ANKMY1: variants seen among roughly 807,000 people sequenced by gnomAD.
ANKMY1 encodes ankyrin repeat and MYND domain containing 1.
In ANKMY1, 98 loss-of-function variants were observed where a neutral mutation model predicts 102.0. The ratio of observed to expected loss-of-function variants is 0.96; its 90% confidence interval spans 0.82 to 1.14. ANKMY1 has a LOEUF of 1.14. Among genes scored for constraint, ANKMY1 ranks in the 50% most tolerant of loss-of-function variants. The pLI, the probability that ANKMY1 is intolerant of heterozygous loss-of-function variation, is 0.00. For missense variants in ANKMY1, 1,330 were observed against 1,347.6 expected, an observed-to-expected ratio of 0.99 and a Z score of 0.20; for synonymous variants, 582 against 559.9, an observed-to-expected ratio of 1.04 and a Z score of -0.56.
Position 240,520,192 on chromosome 2 carries a change from A to T in ANKMY1, c.2004+170T>A. 1.0e-6 allele frequency: 1 copy of T among 965,108 alleles called. No homozygotes were observed. Among genetic ancestry groups the T allele is most frequent in the East Asian group, 2.6e-5 (1 of 38,034 alleles). The allele number at this position is 965,108 out of a possible 1,614,324, so 59.8% of individuals were successfully genotyped here. A position where few individuals can be genotyped will look rare whatever the true frequency, so the allele number is the denominator to read the frequency against. On this transcript the variant is annotated intron_variant, in intron 9 of 17. Transcript: ENST00000401804. This position sits in a 1 kb window ranked among gnomAD's most constrained non-coding sequence, Gnocchi z 4.8. ...TCCTGTCTGGGGACATGGGTGAAAG[A>T]GCGGGCTGTGGGACCCCCCACTGCG...
At chr2:240,485,955 TAA>T (rs898402204) in intron 15 of ANKMY1, among the ~76,000 whole-genome samples, 7 of 152,236 alleles carry the variant, frequency 4.6e-5, no homozygotes, top group African/African-American at 1.7e-4. Context: ...AGTGAGATAT[TAA>T]AAAGTTATTC....
At chr2:240,546,015 C>A (rs1429973144) in intron 4 of ANKMY1, among the ~76,000 whole-genome samples, 26 of 151,988 alleles carry the variant, frequency 1.7e-4, no homozygotes, top group African/African-American at 6.3e-4. Context: ...GAGAACGCCA[C>A]AAAGATACTC....
Position 240,552,906 on chromosome 2 carries a change from C to T in ANKMY1, c.480+8G>A. The T allele has an allele frequency of 6.2e-7, 1 of 1,613,728 alleles. No homozygotes were observed. Among genetic ancestry groups the T allele is most frequent in the East Asian group, 2.2e-5 (1 of 44,858 alleles). ...CGACCCCAGCTGAACACATGGCAGCCCCCTCACCTGGAAAAGCCGTGTCTT... is the reference window on the plus strand; with the variant it reads ...CGACCCCAGCTGAACACATGGCAGCTCCCTCACCTGGAAAAGCCGTGTCTT... On this transcript the variant is annotated splice_region_variant and intron_variant, in intron 4 of 17. Transcript: ENST00000401804.
At chr2:240,555,140 C>G in intron 2 of ANKMY1, 85 bp from the exon 3 acceptor site, 1 of 1,413,558 alleles carries the variant, frequency 7.1e-7, no homozygotes, top group Non-Finnish European at 9.8e-7. Flanking sequence ...CGAGCACAAC[C>G]CAGCATCTCA....
At chr2:240,517,851 A>C (rs763298037) in intron 9 of ANKMY1, among the ~76,000 whole-genome samples, 2 of 152,160 alleles carry the variant, frequency 1.3e-5, no homozygotes, top group Non-Finnish European at 2.9e-5. Context: ...TTGTGTGGGT[A>C]ATCAGGCCAC....
Position 240,526,212 on chromosome 2 carries a change from G to A in ANKMY1, c.1170+17C>T, listed in dbSNP as rs769626171. 7 of 1,613,786 alleles carry A rather than the reference G, an allele frequency of 4.3e-6. No individual in the cohort carries two copies. In the South Asian group the frequency reaches 6.6e-5, roughly 15 times the overall value. ...CTAAGCTCCTGCGGGCACCAGCTGG[G>A]AGGGTGTGGGGCTTACAGCAGCCGC... On this transcript the variant is annotated intron_variant, in intron 6 of 17. Transcript: ENST00000401804.
At position 240,538,477 on chromosome 2, in the gene ANKMY1, G is replaced by A. The variant is rs368611974; in HGVS notation, c.481-8968C>T. Among the ~76,000 whole-genome samples the A allele has an allele frequency of 1.2e-4, 18 of 152,272 alleles. No homozygotes were observed. In the East Asian group the frequency reaches 2.1e-3, roughly 18 times the overall value. On this transcript the variant is annotated intron_variant, in intron 4 of 17. Coordinates refer to ENST00000401804, the MANE Select transcript of ANKMY1 (RefSeq NM_001282771.3). ...CCCTCAGCACTGCCAGCCCGCCAGC[G>A]CTGCACTCAAATTCTCGTGGGGACT...
At position 240,506,403 on chromosome 2, in the gene ANKMY1, C is replaced by A. The variant is rs1056652207; in HGVS notation, c.2526+1157G>T. On this transcript the variant is annotated intron_variant, in intron 13 of 17. Coordinates refer to ENST00000401804, the MANE Select transcript of ANKMY1 (RefSeq NM_001282771.3). This position sits in a 1 kb window ranked among gnomAD's most constrained non-coding sequence, Gnocchi z 4.9. Reference sequence around the variant, plus strand: ...GACTACCCACACACACTGTTTCATTCCATCCTCTGCCGCCTATGGAAAACT... The same window carrying A: ...GACTACCCACACACACTGTTTCATTACATCCTCTGCCGCCTATGGAAAACT... 3.3e-5 allele frequency among the ~76,000 whole-genome samples: 5 copies of A among 152,214 alleles called. No homozygotes were observed. The highest frequency in any genetic ancestry group is 7.3e-5 in the Non-Finnish European group (5 of 68,034).
chr2:240,491,149 T>C (rs1008781570), intron 15 of ANKMY1, among the ~76,000 whole-genome samples: 1 of 151,732 alleles, frequency 6.6e-6, no homozygotes, highest in African/African-American at 2.4e-5. Context: ...GATATAAGTA[T>C]ACCTAGTTAC....
At chr2:240,527,660 G>GGATTGATGGAT (rs2084016633) in intron 5 of ANKMY1, 1 of 150,720 alleles carries the variant, frequency 6.6e-6, no homozygotes, top group African/African-American at 2.4e-5. Context: ...GTGGGTGGGT[G>GGATTGATGGAT]GACAAATGGG....
upstream of ANKMY1, chr2:240,560,929 T>C: frequency 6.5e-7 from 1 of 1,539,468 alleles, no homozygotes; most frequent in Non-Finnish European, 8.6e-7. Context: ...CTGGCGCACC[T>C]GGAGCCCACG....
upstream of ANKMY1, chr2:240,560,963 G>T (rs777744662): frequency 7.2e-6 from 11 of 1,517,282 alleles, no homozygotes; most frequent in Non-Finnish European, 9.6e-6. Context: ...AGGCCGCGGT[G>T]CGCGCCGGCG....
intron 4 of ANKMY1, among the ~76,000 whole-genome samples, chr2:240,547,264 T>C (rs2090575842): frequency 6.6e-6 from 1 of 152,124 alleles, no homozygotes; most frequent in Non-Finnish European, 1.5e-5. Flanking sequence ...GAATGACTAC[T>C]GGGTACATAA....
intron 15 of ANKMY1, among the ~76,000 whole-genome samples, chr2:240,486,307 G>A (rs74523825): frequency 0.011 from 1,636 of 151,906 alleles, 28 homozygotes; most frequent in African/African-American, 0.037. Context: ...AACCACACAC[G>A]CATGCACACA....
At chr2:240,553,251 C>G in intron 3 of ANKMY1, 194 bp from the exon 4 acceptor site, 1 of 634,076 alleles carries the variant, frequency 1.6e-6, no homozygotes, top group Non-Finnish European at 2.7e-6. Flanking sequence ...GGCAGTCAGC[C>G]TGATAGCCAG....
chr2:240,526,634 G>A (rs1275112191), intron 5 of ANKMY1, 189 bp from the exon 6 acceptor site: 14 of 1,441,988 alleles, frequency 9.7e-6, no homozygotes, highest in African/African-American at 8.6e-5. Context: ...GGTTGCACAC[G>A]GTGGTGCAGA....
intron 4 of ANKMY1, among the ~76,000 whole-genome samples, chr2:240,548,312 A>G (rs1451190029): frequency 6.6e-6 from 1 of 152,214 alleles, no homozygotes; most frequent in Non-Finnish European, 1.5e-5. Flanking sequence ...AAAATTCAAC[A>G]ACACTTCACG....
chr2:240,558,057 C>T (rs545764036), upstream of ANKMY1: 114 of 892,910 alleles, frequency 1.3e-4, 1 homozygote, highest in Middle Eastern at 2.8e-3. Context: ...CTCCGCCAAT[C>T]CCCCCGCCAG....
At chr2:240,503,515 C>T (rs2078567986) in intron 13 of ANKMY1, among the ~76,000 whole-genome samples, 1 of 152,122 alleles carries the variant, frequency 6.6e-6, no homozygotes, top group African/African-American at 2.4e-5. Context: ...GTCAGGGGGG[C>T]CCAGGGTCAA....
Sources: gnomAD v4.1 joint callset for allele counts (sites outside exome capture counted in the v4.1 genomes callset) on GRCh38, gnomAD v4.1.1 for gene constraint, Gnocchi (gnomAD v3.1) non-coding constraint, MANE v1.5 for transcripts, NCBI Gene and HGNC (gene_info 2026-07-23, HGNC 2026-07-21) for gene names.